The following ISG20L2 variants were observed in gnomAD, a reference collection of about 807,000 sequenced individuals.
ISG20L2 encodes interferon stimulated exonuclease gene 20 like 2.
Under a neutral mutation model 27.8 loss-of-function variants are expected in ISG20L2, and 14 were observed. The observed-to-expected ratio is 0.50, with a 90% CI of 0.33 to 0.79. ISG20L2 has a LOEUF of 0.79. ISG20L2 is among the 30% of genes least tolerant of loss of function. ISG20L2 has a pLI of 0.02. For synonymous variants in ISG20L2, 157 were observed against 165.7 expected (o/e 0.95, Z 0.40); for missense variants, 393 against 435.1 (o/e 0.90, Z 0.86).
chr1:156,726,333 T>C (rs1648757030), intron 2 of ISG20L2: 1 of 985,446 alleles, frequency 1.0e-6, no homozygotes, highest in Admixed American at 6.1e-5. Flanking sequence ...CTGACACTGG[T>C]GTCTGCAGCT....
At position 156,723,031 on chromosome 1, in the gene ISG20L2, C is replaced by T; in HGVS notation, c.*318G>A. 1 of 280,794 alleles carries T rather than the reference C, an allele frequency of 3.6e-6. No individual in the cohort carries two copies. The highest frequency in any genetic ancestry group is 6.8e-6 in the Non-Finnish European group (1 of 147,070). The allele number at this position is 280,794 out of a possible 1,614,324, so 17.4% of individuals were successfully genotyped here. On this transcript the variant is annotated 3_prime_UTR_variant, in exon 4 of 4. Transcript: ENST00000368219. ...TTGGGAAACTACATTTCCCAGTATG[C>T]CCTGCCCCTTGAAAGTTAAAAATCT...
rs1648560379 is a variant in ISG20L2 at position 156,721,979 on chromosome 1, TA to T, written c.*1369del. 1 of 152,264 alleles carries T rather than the reference TA, an allele frequency of 6.6e-6. No individual in the cohort carries two copies. The highest frequency in any genetic ancestry group is 1.5e-5 in the Non-Finnish European group (1 of 68,048). 9.4% of individuals were successfully genotyped at this position (152,264 alleles called of 1,614,324 possible). On this transcript the variant is annotated 3_prime_UTR_variant, in exon 4 of 4. Transcript: ENST00000368219. ...AAGGTAAAAAAGACAACCAAATTAT[TA>T]AAACACTTTATAAATTATTTTAAAA...
At chr1:156,725,306 T>C (rs1558013207) in intron 2 of ISG20L2, 1 of 152,210 alleles carries the variant, frequency 6.6e-6, no homozygotes, top group Non-Finnish European at 1.5e-5. Context: ...CCAGGTTGGC[T>C]GGCCTCAAAC....
intron 2 of ISG20L2, chr1:156,724,602 C>T (rs1648676305): frequency 1.6e-6 from 2 of 1,250,642 alleles, no homozygotes; most frequent in Non-Finnish European, 2.0e-6. Flanking sequence ...TGATCTCCAC[C>T]CCATGACATT....
In ISG20L2 at chr1:156,728,747, C is replaced by T; in HGVS notation, c.-450G>A. 1 of 1,013,798 alleles carries T rather than the reference C, an allele frequency of 9.9e-7. No homozygotes were observed. Among genetic ancestry groups the T allele is most frequent in the Non-Finnish European group, 1.2e-6 (1 of 847,946 alleles). 62.8% of individuals were successfully genotyped at this position (1,013,798 alleles called of 1,614,324 possible). ...CCGCCGGACACCTCCGGCTTCACTT[C>T]CGTAAGAGGAGAGGAGTGTACGGCA... On this transcript the variant is annotated 5_prime_UTR_variant, in exon 1 of 4. Transcript: ENST00000368219.
At chr1:156,726,102 C>A (rs990901307) in intron 2 of ISG20L2, 4 of 985,350 alleles carry the variant, frequency 4.1e-6, no homozygotes, top group Non-Finnish European at 4.8e-6. Flanking sequence ...GAGATGACAA[C>A]CCGAAGTGCC....
chr1:156,723,552 T>C, intron 3 of ISG20L2, 90 bp from the exon 4 acceptor site: 2 of 1,559,768 alleles, frequency 1.3e-6, no homozygotes, highest in African/African-American at 2.7e-5. Context: ...TCCCCCTGCC[T>C]CCGCTACACA....
At chr1:156,725,774 C>CCTAT in intron 2 of ISG20L2, 1 of 721,958 alleles carries the variant, frequency 1.4e-6, no homozygotes, top group South Asian at 6.3e-5. Context: ...TTCTGCCTCT[C>CCTAT]CTATGCCTTT....
intron 2 of ISG20L2, chr1:156,726,617 T>G: frequency 1.1e-6 from 1 of 924,922 alleles, no homozygotes; most frequent in Non-Finnish European, 1.3e-6. Flanking sequence ...TTCCTGGGCT[T>G]GAGCGATTCT....
Position 156,727,082 on chromosome 1 carries a change from G to C in ISG20L2, c.571C>G (p.Pro191Ala). ...AIDCEMVGTG[P>A]KGHVSSLARC... ...GCCAAGGAACTAACATGCCCCTTTG[G>C]TCCTGTGCCCACCATCTCACAGTCA... The change falls in exon 2 of 4, where the codon CCA becomes GCA. Residue 191 changes from proline (P) to alanine (A), a missense_variant. By Grantham distance (27) the Pro-to-Ala change is conservative. Transcript: ENST00000368219. 6.2e-7 allele frequency: 1 copy of C among 1,614,200 alleles called. No individual in the cohort carries two copies. The highest frequency in any genetic ancestry group is 8.5e-7 in the Non-Finnish European group (1 of 1,180,042).
At position 156,727,769 on chromosome 1, in the gene ISG20L2, C is replaced by G; in HGVS notation, c.-117G>C. Reference sequence around the variant, plus strand: ...CAACATGTGGAGGTCTGTAGTACACCCTGGGGAAGAAAGTGATCCTGGTAA... The same window carrying G: ...CAACATGTGGAGGTCTGTAGTACACGCTGGGGAAGAAAGTGATCCTGGTAA... On this transcript the variant is annotated splice_region_variant and 5_prime_UTR_variant, in exon 2 of 4. Transcript: ENST00000368219. 6.7e-7 allele frequency: 1 copy of G among 1,496,222 alleles called. No individual in the cohort carries two copies. The highest frequency in any genetic ancestry group is 2.3e-5 in the Admixed American group (1 of 43,448). 92.7% of individuals were successfully genotyped at this position (1,496,222 alleles called of 1,614,324 possible).
intron 2 of ISG20L2, chr1:156,726,012 C>T (rs1011476954): frequency 4.1e-6 from 4 of 985,488 alleles, no homozygotes; most frequent in Non-Finnish European, 1.2e-6. Context: ...GCTCTCCCTT[C>T]ACTTCCTCTT....
chr1:156,725,745 G>T, intron 2 of ISG20L2: 1 of 442,672 alleles, frequency 2.3e-6, no homozygotes, highest in Non-Finnish European at 3.0e-6. Flanking sequence ...CAGATTTGCT[G>T]TCTCAGACCC....
At chr1:156,728,346 C>T (rs1005225059) in intron 1 of ISG20L2, 69 bp downstream of exon 1, 18 of 985,644 alleles carry the variant, frequency 1.8e-5, no homozygotes, top group Middle Eastern at 1.0e-3. Flanking sequence ...AGGCTTGAGG[C>T]AGCCCACCTG....
chr1:156,723,306 G>T lies in ISG20L2; in HGVS notation c.*43C>A. The T allele has an allele frequency of 6.2e-7, 1 of 1,612,230 alleles. No individual in the cohort carries two copies. The highest frequency in any genetic ancestry group is 8.5e-7 in the Non-Finnish European group (1 of 1,179,090). The stretch of plus-strand genomic sequence containing the variant: ...TGGTCCACTGCCCTGTTTCTCCTGG[G>T]TGCTGCCTCTGCCTCCTCATATCAC... On this transcript the variant is annotated 3_prime_UTR_variant, in exon 4 of 4. Transcript: ENST00000368219.
rs1283308528 is a variant in ISG20L2 at position 156,728,523 on chromosome 1, G to A, written c.-226C>T. On this transcript the variant is annotated 5_prime_UTR_variant, in exon 1 of 4. Transcript: ENST00000368219. Reference sequence around the variant, plus strand: ...GGCGCGCGGGTTAGAACGCGCCAGAGGTCGGCGCGCGCACACCCGCACCGC... The same window carrying A: ...GGCGCGCGGGTTAGAACGCGCCAGAAGTCGGCGCGCGCACACCCGCACCGC... The A allele has an allele frequency of 2.0e-6, 2 of 985,618 alleles. No homozygotes were observed. The highest frequency in any genetic ancestry group is 3.5e-5 in the African/African-American group (2 of 57,362). 61.1% of individuals were successfully genotyped at this position (985,618 alleles called of 1,614,324 possible).
chr1:156,722,186 A>G lies in ISG20L2; in HGVS notation c.*1163T>C, dbSNP rs1648565171. The G allele has an allele frequency of 2.6e-5, 4 of 152,208 alleles. No individual in the cohort carries two copies. The highest frequency in any genetic ancestry group is 4.4e-5 in the Non-Finnish European group (3 of 68,056). 9.4% of individuals were successfully genotyped at this position (152,208 alleles called of 1,614,324 possible). A position where few individuals can be genotyped will look rare whatever the true frequency, so the allele number is the denominator to read the frequency against. ...GAAGTCAAGGTGGGAAGAACAGGCA[A>G]TATCCTGACACAGGCTAGATACAGA... On this transcript the variant is annotated 3_prime_UTR_variant, in exon 4 of 4. Transcript: ENST00000368219.
At chr1:156,723,651 T>C (rs1648629773) in intron 3 of ISG20L2, 189 bp from the exon 4 acceptor site, 2 of 985,280 alleles carry the variant, frequency 2.0e-6, no homozygotes, top group Admixed American at 6.1e-5. Flanking sequence ...TCCTAGGAAG[T>C]CTTTGCCACT....
At chr1:156,723,574 A>C (rs545927529) in intron 3 of ISG20L2, 112 bp from the exon 4 acceptor site, 1 of 1,514,722 alleles carries the variant, frequency 6.6e-7, no homozygotes, top group African/African-American at 1.4e-5. Context: ...TTTCTTCTGC[A>C]GTCAGCAGCC....
Sources: allele counts gnomAD v4.1 joint callset, GRCh38; gene constraint gnomAD v4.1.1; transcripts MANE v1.5; gene names NCBI Gene and HGNC (gene_info 2026-07-23, HGNC 2026-07-21).